Variants in LYPLAL1 observed in about 807,000 individuals in gnomAD.
LYPLAL1 encodes the protein lysophospholipase-like protein 1.
In LYPLAL1, 23 loss-of-function variants were observed where a neutral mutation model predicts 19.7. The observed-to-expected ratio is 1.17, with a 90% CI of 0.84 to 1.65. The LOEUF (loss-of-function observed/expected upper bound fraction) is 1.65, where lower values mean the gene tolerates loss of function less well. LYPLAL1 is among the 40% of genes most tolerant of loss of function. The pLI, the probability that LYPLAL1 is intolerant of heterozygous loss-of-function variation, is 0.00. For missense variants in LYPLAL1, 355 were observed against 279.4 expected (o/e 1.27, Z -1.93); for synonymous variants, 119 against 96.3 (o/e 1.24, Z -1.38).
chr1:219,351,525 C>T, the LYPLAL1 span, among the ~76,000 whole-genome samples: 1 of 152,040 alleles, frequency 6.6e-6, no homozygotes, highest in Non-Finnish European at 1.5e-5. Flanking sequence ...TGGCTTATGT[C>T]TGATAATAAC....
At chr1:219,193,644 T>C (rs1334982207) in intron 3 of LYPLAL1, among the ~76,000 whole-genome samples, 1 of 151,864 alleles carries the variant, frequency 6.6e-6, no homozygotes, top group Non-Finnish European at 1.5e-5. Flanking sequence ...TTTATGAAAA[T>C]TATAATCTTC....
At chr1:219,372,549 TCA>T in the LYPLAL1 span, among the ~76,000 whole-genome samples, 3 of 152,156 alleles carry the variant, frequency 2.0e-5, no homozygotes, top group African/African-American at 7.2e-5. Context: ...AAAAAAAGTT[TCA>T]CACACAGTGC....
the LYPLAL1 span, among the ~76,000 whole-genome samples, chr1:219,247,835 A>G: frequency 6.6e-6 from 1 of 152,164 alleles, no homozygotes; most frequent in South Asian, 2.1e-4. Context: ...AGCCTCATGC[A>G]CATGGTGCTT....
the LYPLAL1 span, among the ~76,000 whole-genome samples, chr1:219,357,558 A>G: frequency 6.6e-6 from 1 of 152,188 alleles, no homozygotes; most frequent in Admixed American, 6.5e-5. Context: ...AGAAATTCTC[A>G]TTCATTGTTG....
the LYPLAL1 span, among the ~76,000 whole-genome samples, chr1:219,424,133 G>A: frequency 6.6e-6 from 1 of 151,548 alleles, no homozygotes; most frequent in African/African-American, 2.4e-5. Flanking sequence ...AAATTGCATA[G>A]AGAAAAAAGT....
intron 2 of LYPLAL1, among the ~76,000 whole-genome samples, chr1:219,181,043 A>G (rs903157567): frequency 3.3e-5 from 5 of 152,204 alleles, no homozygotes; most frequent in Non-Finnish European, 7.3e-5. Context: ...TATAAATTTA[A>G]ATGTTCTTGA....
At chr1:219,284,744 A>G in the LYPLAL1 span, among the ~76,000 whole-genome samples, 1 of 152,200 alleles carries the variant, frequency 6.6e-6, no homozygotes, top group African/African-American at 2.4e-5. Context: ...TATCAAAGAG[A>G]TGTTAAAGAC....
the LYPLAL1 span, among the ~76,000 whole-genome samples, chr1:219,230,048 G>A: frequency 6.6e-6 from 1 of 152,140 alleles, no homozygotes; most frequent in Non-Finnish European, 1.5e-5. Flanking sequence ...CTCTGAAATA[G>A]AAACTTTTGA....
the LYPLAL1 span, among the ~76,000 whole-genome samples, chr1:219,367,463 G>T: frequency 6.6e-6 from 1 of 151,906 alleles, no homozygotes; most frequent in African/African-American, 2.4e-5. Context: ...AAATAAGTCA[G>T]ATTTGGTTCA....
chr1:219,206,545 T>C (rs1423373437), intron 3 of LYPLAL1, among the ~76,000 whole-genome samples: 1 of 151,984 alleles, frequency 6.6e-6, no homozygotes, highest in Non-Finnish European at 1.5e-5. Context: ...GCAGATTACC[T>C]CACAAAATCA....
chr1:219,240,799 T>A, the LYPLAL1 span, among the ~76,000 whole-genome samples: 33 of 152,166 alleles, frequency 2.2e-4, no homozygotes, highest in African/African-American at 7.7e-4. Flanking sequence ...ACTGCCTAAA[T>A]TTTCCAATTC....
the LYPLAL1 span, among the ~76,000 whole-genome samples, chr1:219,242,391 A>T: frequency 6.6e-6 from 1 of 152,194 alleles, no homozygotes. Flanking sequence ...AGAACCTAGC[A>T]GAGAACAGGC....
the LYPLAL1 span, among the ~76,000 whole-genome samples, chr1:219,412,966 T>C: frequency 6.6e-6 from 1 of 152,222 alleles, no homozygotes; most frequent in African/African-American, 2.4e-5. Context: ...CAAGAGACTT[T>C]TCAATCCAAT....
chr1:219,434,219 A>G, the LYPLAL1 span, among the ~76,000 whole-genome samples: 2 of 152,224 alleles, frequency 1.3e-5, no homozygotes, highest in Non-Finnish European at 2.9e-5. Context: ...ACAAGTAAGA[A>G]AAGATTATTC....
At position 219,210,600 on chromosome 1, in the gene LYPLAL1, G is replaced by T; in HGVS notation, c.430G>T (p.Val144Leu). The change falls in exon 4 of 5, where the codon GTA becomes TTA. Residue 144 changes from valine (V) to leucine (L), a missense_variant. By Grantham distance (32) the Val-to-Leu change is conservative. Transcript: ENST00000366928. ...AYRNHQDVAG[V>L]FALSSFLNKA... ...TAGAAATCATCAAGATGTGGCAGGA[G>T]TATTTGCTCTTTCTAGTTTTCTGAA... 1 of 1,610,406 alleles carries T rather than the reference G, an allele frequency of 6.2e-7. No homozygotes were observed. Among genetic ancestry groups the T allele is most frequent in the South Asian group, 1.1e-5 (1 of 90,394 alleles).
the LYPLAL1 span, among the ~76,000 whole-genome samples, chr1:219,368,091 A>G: frequency 1.3e-5 from 2 of 152,224 alleles, no homozygotes; most frequent in Non-Finnish European, 2.9e-5. Flanking sequence ...ATAACAAAAA[A>G]AAGTAAAAAT....
At chr1:219,407,606 G>A in the LYPLAL1 span, among the ~76,000 whole-genome samples, 38 of 152,216 alleles carry the variant, frequency 2.5e-4, no homozygotes, top group Middle Eastern at 3.4e-3. Context: ...GTGAATAAAC[G>A]TTCATTAAAA....
the LYPLAL1 span, among the ~76,000 whole-genome samples, chr1:219,308,610 G>A: frequency 1.3e-4 from 20 of 152,322 alleles, no homozygotes; most frequent in South Asian, 6.2e-4. Flanking sequence ...AGGCGCCAAC[G>A]TAGAGCTCGG....
the LYPLAL1 span, among the ~76,000 whole-genome samples, chr1:219,354,818 A>G: frequency 1.3e-5 from 2 of 152,328 alleles, no homozygotes; most frequent in South Asian, 4.1e-4. Flanking sequence ...ATTTATAAAA[A>G]AAATTGAAGA....
Sources: allele counts gnomAD v4.1 joint callset (sites outside exome capture counted in the v4.1 genomes callset), GRCh38; gene constraint gnomAD v4.1.1; transcripts MANE v1.5; gene names NCBI Gene and HGNC (gene_info 2026-07-23, HGNC 2026-07-21).